The following RPS6KC1 variants were observed in gnomAD, a reference collection of about 807,000 sequenced individuals.
RPS6KC1 encodes ribosomal protein S6 kinase C1, also known as inactive ribosomal protein S6 kinase delta-1.
A neutral mutation model predicts 103.8 loss-of-function variants in RPS6KC1; 54 were observed. That is an observed-to-expected ratio of 0.52 (90% CI 0.42 to 0.65). RPS6KC1 has a LOEUF of 0.65. Among genes scored for constraint, RPS6KC1 ranks in the 30% least tolerant of loss-of-function variants. The pLI, the probability that RPS6KC1 is intolerant of heterozygous loss-of-function variation, is 0.00. For missense variants in RPS6KC1, 1,151 were observed against 1,253.8 expected, an observed-to-expected ratio of 0.92 and a Z score of 1.24; for synonymous variants, 439 against 438.7, an observed-to-expected ratio of 1.00 and a Z score of -0.01.
the RPS6KC1 span, among the ~76,000 whole-genome samples, chr1:213,400,621 TG>T: frequency 6.6e-6 from 1 of 152,094 alleles, no homozygotes; most frequent in African/African-American, 2.4e-5. Context: ...GCTTTGGGAC[TG>T]GAACCCAGGT....
At chr1:213,807,479 C>G in the RPS6KC1 span, among the ~76,000 whole-genome samples, 1 of 152,218 alleles carries the variant, frequency 6.6e-6, no homozygotes, top group Middle Eastern at 3.4e-3. Flanking sequence ...TTGTTTGTTT[C>G]TTTTTATTCT....
chr1:213,501,894 C>T, the RPS6KC1 span, among the ~76,000 whole-genome samples: 1 of 152,180 alleles, frequency 6.6e-6, no homozygotes, highest in Non-Finnish European at 1.5e-5. Context: ...AAGCAACATG[C>T]AATCTGCAAG....
the RPS6KC1 span, among the ~76,000 whole-genome samples, chr1:213,788,543 T>A: frequency 6.6e-6 from 1 of 151,766 alleles, no homozygotes; most frequent in African/African-American, 2.4e-5. Context: ...CCTGACTCCC[T>A]CCCCATACCC....
intron 2 of RPS6KC1, among the ~76,000 whole-genome samples, chr1:213,071,416 A>G (rs2078869080): frequency 6.6e-6 from 1 of 152,192 alleles, no homozygotes; most frequent in Non-Finnish European, 1.5e-5. Flanking sequence ...GACGTGAGCC[A>G]CTGTGCCTGG....
intron 8 of RPS6KC1, among the ~76,000 whole-genome samples, chr1:213,225,482 T>A (rs1165047202): frequency 6.6e-6 from 1 of 152,106 alleles, no homozygotes; most frequent in Non-Finnish European, 1.5e-5. Context: ...CTCCGCCTCC[T>A]GATTCAAGTG....
At chr1:213,589,938 G>GGGGT in the RPS6KC1 span, among the ~76,000 whole-genome samples, 44 of 132,824 alleles carry the variant, frequency 3.3e-4, no homozygotes, top group African/African-American at 1.3e-3. Context: ...AAAAGGTAGT[G>GGGGT]GTGTGTGTGT....
the RPS6KC1 span, among the ~76,000 whole-genome samples, chr1:213,774,276 T>C: frequency 6.6e-6 from 1 of 152,208 alleles, no homozygotes; most frequent in East Asian, 1.9e-4. Context: ...GAGGAGAGTT[T>C]AGGGCTGAAG....
At chr1:213,340,963 C>T in the RPS6KC1 span, among the ~76,000 whole-genome samples, 1 of 152,260 alleles carries the variant, frequency 6.6e-6, no homozygotes, top group Non-Finnish European at 1.5e-5. Flanking sequence ...CTACCCTGCC[C>T]TTTATCAGGT....
intron 8 of RPS6KC1, among the ~76,000 whole-genome samples, chr1:213,212,645 G>A (rs543329490): frequency 2.6e-5 from 4 of 152,278 alleles, no homozygotes; most frequent in African/African-American, 7.2e-5. Flanking sequence ...GTTTAGTTTT[G>A]TAAGAAACTG....
rs570740270 is a variant in RPS6KC1, at chr1:213,061,589, G to A, written c.106-9417G>A. Among the ~76,000 whole-genome samples the A allele has an allele frequency of 3.3e-4, 36 of 110,610 alleles. No individual in the cohort carries two copies. The East Asian group carries it at 0.01, about 32-fold the overall frequency. 72.6% of individuals were successfully genotyped at this position (110,610 alleles called of 152,430 possible). A position where few individuals can be genotyped will look rare whatever the true frequency, so the allele number is the denominator to read the frequency against. ...GACCTACTTTTCCTGCAAGACTTGGGTGTTTTTTTTTTTTTGTATGTATGA... is the reference window on the plus strand; with the variant it reads ...GACCTACTTTTCCTGCAAGACTTGGATGTTTTTTTTTTTTTGTATGTATGA... On this transcript the variant is annotated intron_variant, in intron 1 of 14. Coordinates refer to ENST00000366960, the MANE Select transcript of RPS6KC1 (RefSeq NM_012424.6).
intron 3 of RPS6KC1, among the ~76,000 whole-genome samples, chr1:213,093,720 T>G (rs2081195525): frequency 6.6e-6 from 1 of 152,212 alleles, no homozygotes; most frequent in Non-Finnish European, 1.5e-5. Context: ...AATTAATATC[T>G]GAGTCTAGTT....
the RPS6KC1 span, among the ~76,000 whole-genome samples, chr1:213,327,236 A>AAAAAGAAAG: frequency 6.5e-4 from 94 of 144,690 alleles, no homozygotes; most frequent in African/African-American, 1.9e-3. Flanking sequence ...GAAAGAAAAG[A>AAAAAGAAAG]AAAGAAAGAA....
the RPS6KC1 span, among the ~76,000 whole-genome samples, chr1:213,403,106 C>T: frequency 5.9e-5 from 9 of 151,704 alleles, no homozygotes; most frequent in East Asian, 1.2e-3. Context: ...CCAGCCTGGG[C>T]GACAGAGCAA....
the RPS6KC1 span, among the ~76,000 whole-genome samples, chr1:213,773,556 T>A: frequency 6.7e-6 from 1 of 149,538 alleles, no homozygotes; most frequent in Admixed American, 6.7e-5. Context: ...TCTCTATATA[T>A]GTTATGTATA....
the RPS6KC1 span, among the ~76,000 whole-genome samples, chr1:213,511,132 T>C: frequency 6.6e-6 from 1 of 152,212 alleles, no homozygotes; most frequent in African/African-American, 2.4e-5. Context: ...AGAAAAATCT[T>C]GTATAAGATT....
the RPS6KC1 span, among the ~76,000 whole-genome samples, chr1:213,800,797 A>G: frequency 6.6e-6 from 1 of 152,188 alleles, no homozygotes; most frequent in Non-Finnish European, 1.5e-5. Flanking sequence ...TAAAAACTTC[A>G]GTATCTACTA....
At chr1:213,728,626 A>T in the RPS6KC1 span, among the ~76,000 whole-genome samples, 1 of 152,046 alleles carries the variant, frequency 6.6e-6, no homozygotes, top group South Asian at 2.1e-4. Flanking sequence ...AACATCACCC[A>T]TTTGCAGGCG....
the RPS6KC1 span, among the ~76,000 whole-genome samples, chr1:213,826,802 T>C: frequency 6.6e-6 from 1 of 152,164 alleles, no homozygotes; most frequent in African/African-American, 2.4e-5. Context: ...TCTCTACCTA[T>C]AATAAGGAAA....
At chr1:213,639,551 C>T in the RPS6KC1 span, among the ~76,000 whole-genome samples, 1 of 151,882 alleles carries the variant, frequency 6.6e-6, no homozygotes, top group African/African-American at 2.4e-5. Flanking sequence ...GGTAGATGTT[C>T]CTCATCATGT....
Sources: allele counts gnomAD v4.1 joint callset (sites outside exome capture counted in the v4.1 genomes callset), GRCh38; gene constraint gnomAD v4.1.1; transcripts MANE v1.5; gene names NCBI Gene and HGNC (gene_info 2026-07-23, HGNC 2026-07-21).